CEP164: variants seen among roughly 807,000 people sequenced by gnomAD.
The protein encoded by CEP164 is centrosomal protein 164.
Under a neutral mutation model 182.7 loss-of-function variants are expected in CEP164, and 162 were observed. The ratio of observed to expected loss-of-function variants is 0.89; its 90% CI spans 0.78 to 1.01. CEP164 has a LOEUF of 1.01. Ranked by LOEUF, CEP164 falls within the 50% of genes least tolerant of loss-of-function variation. The pLI, the probability that CEP164 is intolerant of heterozygous loss-of-function variation, is 0.00. For synonymous variants in CEP164, 661 were observed against 690.0 expected, an observed-to-expected ratio of 0.96 and a Z score of 0.66; for missense variants, 1,735 against 1,790.4, an observed-to-expected ratio of 0.97 and a Z score of 0.56.
At chr11:117,366,470 G>A (rs7106772) in intron 8 of CEP164, among the ~76,000 whole-genome samples, 1,721 of 152,286 alleles carry the variant, frequency 0.011, 21 homozygotes, top group Non-Finnish European at 0.018. Flanking sequence ...ACTGAAGAGA[G>A]AGAGGTTCAT....
chr11:117,365,538 A>G (rs1272638612), intron 8 of CEP164, among the ~76,000 whole-genome samples: 1 of 152,152 alleles, frequency 6.6e-6, no homozygotes, highest in Non-Finnish European at 1.5e-5. Context: ...AATGTCAACA[A>G]AAAAGGCTTT....
In CEP164 at chr11:117,410,445, CAGTG is replaced by C. The variant is rs2047223135; in HGVS notation, c.4097-375_4097-372del. The C allele has an allele frequency of 1.9e-5, 5 of 269,836 alleles. No homozygotes were observed. The Admixed American group carries it at 2.5e-4, about 13-fold the overall frequency. 16.7% of individuals were successfully genotyped at this position (269,836 alleles called of 1,614,324 possible). On this transcript the variant is annotated intron_variant, in intron 30 of 32. Transcript: ENST00000278935. ...TTTAAGTAGTATGCTCCAGGGTACCCAGTGAGTGAGTAACAAACTCAGTTGTGAC... is the reference window on the plus strand; with the variant it reads ...TTTAAGTAGTATGCTCCAGGGTACCCAGTGAGTAACAAACTCAGTTGTGAC...
rs1215292913 is a variant in CEP164, at chr11:117,393,032, A to G, written c.2522A>G (p.Gln841Arg). Residue 841 changes from glutamine to arginine, a missense_variant, in exon 20 of 33, where the codon CAG becomes CGG. Transcript: ENST00000278935. ...ELSSLLREKR[Q>R]EVEGEHERRL... Reference sequence around the variant, plus strand: ...AGCAGTCTCCTGCGAGAGAAGCGCCAGGAAGTGGAAGGGGAGCATGAGAGG... The same window carrying G: ...AGCAGTCTCCTGCGAGAGAAGCGCCGGGAAGTGGAAGGGGAGCATGAGAGG... 1.2e-6 allele frequency: 2 copies of G among 1,613,640 alleles called. No homozygotes were observed. The highest frequency in any genetic ancestry group is 1.1e-5 in the South Asian group (1 of 91,068).
chr11:117,392,801 A>G (rs932735802), intron 19 of CEP164, among the ~76,000 whole-genome samples, 174 bp downstream of exon 19: 2 of 152,056 alleles, frequency 1.3e-5, no homozygotes, highest in Non-Finnish European at 2.9e-5. Flanking sequence ...TACTCCTCCA[A>G]TCTGATGCCC....
chr11:117,396,415 T>C (rs1439941644), intron 25 of CEP164, 135 bp from the exon 26 acceptor site: 2 of 835,764 alleles, frequency 2.4e-6, no homozygotes, highest in Non-Finnish European at 4.1e-6. Flanking sequence ...TCAGATGATA[T>C]CTATAAGTAA....
At chr11:117,377,840 A>ATTTC (rs1007395542) in intron 11 of CEP164, among the ~76,000 whole-genome samples, 13 of 151,980 alleles carry the variant, frequency 8.6e-5, no homozygotes, top group African/African-American at 1.2e-4. Flanking sequence ...GACATAATAC[A>ATTTC]TTTCTTTCTT....
intron 8 of CEP164, among the ~76,000 whole-genome samples, chr11:117,365,444 T>A (rs140548988): frequency 3.9e-3 from 592 of 152,324 alleles, no homozygotes; most frequent in Middle Eastern, 0.01. Flanking sequence ...TGCTGTCAGC[T>A]GGTGGATGGA....
chr11:117,368,457 A>C (rs7115177), intron 8 of CEP164, among the ~76,000 whole-genome samples: 42,122 of 152,128 alleles, frequency 0.28, 5,917 homozygotes, highest in African/African-American at 0.31. Flanking sequence ...TCCTGAAGGC[A>C]GTAGGGACTA....
chr11:117,339,992 C>A (rs2037854855), intron 3 of CEP164, among the ~76,000 whole-genome samples: 1 of 152,082 alleles, frequency 6.6e-6, no homozygotes, highest in Middle Eastern at 3.4e-3. Context: ...GGTATTCAAG[C>A]TCTAGGGCCT....
upstream of CEP164, among the ~76,000 whole-genome samples, chr11:117,323,428 AT>A (rs959384130): frequency 5.3e-5 from 8 of 149,584 alleles, no homozygotes; most frequent in Admixed American, 2.0e-4. Flanking sequence ...GTAGGATTCC[AT>A]TTTTTTTTAT....
intron 3 of CEP164, among the ~76,000 whole-genome samples, chr11:117,339,038 G>A (rs1167880118): frequency 6.6e-6 from 1 of 151,864 alleles, no homozygotes; most frequent in Non-Finnish European, 1.5e-5. Flanking sequence ...AGCTGGTCTC[G>A]AACTCCCGAC....
intron 20 of CEP164, 102 bp downstream of exon 20, chr11:117,393,228 C>T: frequency 6.8e-7 from 1 of 1,479,808 alleles, no homozygotes; most frequent in South Asian, 1.3e-5. Flanking sequence ...CATGCACACA[C>T]ACCCCGGGGT....
rs11216364 is a variant in CEP164, at chr11:117,355,903, C to T, written c.393+3915C>T. On this transcript the variant is annotated intron_variant, in intron 5 of 32. Coordinates refer to ENST00000278935, the MANE Select transcript of CEP164 (RefSeq NM_014956.5). ...AGAATCCCCTTTTAGGGAGGGCTCC[C>T]GAGGAGCCTCCTGCCAGTGAGAAGA... 3.5e-3 allele frequency: 3,590 copies of T among 1,039,546 alleles called. 227 individuals are homozygous for T. The Admixed American group carries it at 0.099, about 29-fold the overall frequency. The allele number at this position is 1,039,546 out of a possible 1,614,324, so 64.4% of individuals were successfully genotyped here. A position where few individuals can be genotyped will look rare whatever the true frequency, so the allele number is the denominator to read the frequency against.
chr11:117,355,407 A>G (rs1166541214), intron 5 of CEP164: 1 of 1,289,776 alleles, frequency 7.8e-7, no homozygotes, highest in Non-Finnish European at 1.0e-6. Flanking sequence ...GAAAGCAGGA[A>G]CCAGGCCTCT....
intron 13 of CEP164, 38 bp from the exon 14 acceptor site, chr11:117,382,758 A>C (rs777101933): frequency 6.2e-7 from 1 of 1,604,160 alleles, no homozygotes; most frequent in Non-Finnish European, 8.5e-7. Flanking sequence ...TTGCTTTCTT[A>C]CTGGCTTTAA....
chr11:117,322,459 T>C (rs912456107), intron 1 of CEP164, among the ~76,000 whole-genome samples: 3 of 152,130 alleles, frequency 2.0e-5, no homozygotes, highest in Admixed American at 6.6e-5. Flanking sequence ...CATTCAAAAG[T>C]CTCTCTTCTA....
At chr11:117,339,522 G>GTTTTTTTTTT (rs61258101) in intron 3 of CEP164, among the ~76,000 whole-genome samples, 4 of 56,190 alleles carry the variant, frequency 7.1e-5, no homozygotes, top group Non-Finnish European at 1.2e-4. Context: ...TTTGTTTTTT[G>GTTTTTTTTTT]TTTTTTTTTT....
intron 5 of CEP164, among the ~76,000 whole-genome samples, chr11:117,358,252 A>T (rs1392260750): frequency 6.6e-6 from 1 of 152,192 alleles, no homozygotes; most frequent in Admixed American, 6.5e-5. Context: ...CATCTATAGA[A>T]GATGATCAGC....
intron 23 of CEP164, 57 bp downstream of exon 23, chr11:117,395,248 C>A: frequency 6.3e-7 from 1 of 1,577,798 alleles, no homozygotes; most frequent in South Asian, 1.1e-5. Flanking sequence ...TGTCTTTCTT[C>A]TCCCTGTTCC....
Sources: allele counts gnomAD v4.1 joint callset (sites outside exome capture counted in the v4.1 genomes callset), GRCh38; gene constraint gnomAD v4.1.1; transcripts MANE v1.5; gene names NCBI Gene and HGNC (gene_info 2026-07-23, HGNC 2026-07-21).